The following KCNC4 variants were observed in gnomAD, a reference collection of about 807,000 sequenced individuals.
The protein encoded by KCNC4 is voltage-gated potassium channel KCNC4.
KCNC4 carries 23 observed loss-of-function variants against 42.8 expected under a neutral mutation model. That is an observed-to-expected ratio of 0.54 (90% CI 0.39 to 0.76). The LOEUF (loss-of-function observed/expected upper bound fraction) is 0.76, where lower values mean the gene tolerates loss of function less well. KCNC4 is among the 30% of genes least tolerant of loss of function. The pLI, the probability that KCNC4 is intolerant of heterozygous loss-of-function variation, is 0.00. For missense variants in KCNC4, 751 were observed against 898.2 expected (o/e 0.84, Z 2.10); for synonymous variants, 422 against 393.5 (o/e 1.07, Z -0.86).
At chr1:110,241,537 G>A (rs1338073191) in exon 4 of KCNC4, 1 of 152,158 alleles carries the variant, frequency 6.6e-6, no homozygotes, top group Non-Finnish European at 1.5e-5. Flanking sequence ...GTCAAATTAG[G>A]GGCCAGAGCT....
At position 110,281,071 on chromosome 1, in the gene KCNC4, G is replaced by GTGA. The variant is rs527855068; in HGVS notation, n.31-1461_31-1460insATG. Among the ~76,000 whole-genome samples, 104 of 152,332 alleles carry GTGA rather than the reference G, an allele frequency of 6.8e-4. 1 individual carries two copies. The highest frequency in any genetic ancestry group is 6.8e-3 in the Middle Eastern group (2 of 294). The stretch of plus-strand genomic sequence containing the variant: ...GTTCAGGCTCCCTGTGGTGGTGGTG[G>GTGA]TGGTGGTGCGGGGGCTTCTGGATAG... On this transcript the variant is annotated intron_variant and non_coding_transcript_variant, in intron 1 of 2. Transcript: ENST00000412512.
chr1:110,260,845 G>A (rs983316417), intron 1 of KCNC4, among the ~76,000 whole-genome samples: 1 of 152,226 alleles, frequency 6.6e-6, no homozygotes, highest in Non-Finnish European at 1.5e-5. Context: ...GAGGAGAATG[G>A]TGTGAACCGG....
At chr1:110,254,661 G>A (rs116333014) in intron 1 of KCNC4, among the ~76,000 whole-genome samples, 2,116 of 152,318 alleles carry the variant, frequency 0.014, 51 homozygotes, top group African/African-American at 0.049. Flanking sequence ...ACAAGGAGAT[G>A]AGTTGGGGGG....
intron 1 of KCNC4, among the ~76,000 whole-genome samples, chr1:110,280,467 C>T (rs1049294648): frequency 6.6e-6 from 1 of 151,314 alleles, no homozygotes; most frequent in Admixed American, 6.6e-5. Context: ...AAACAAGTCC[C>T]GTGAAATTGG....
chr1:110,223,794 G>A lies in KCNC4; in HGVS notation c.1509G>A (p.Glu503=). Residue 503 remains glutamate (E), a synonymous_variant, in exon 2 of 4, where the codon GAG becomes GAA. Coordinates refer to ENST00000438661, the MANE Select transcript of KCNC4 (RefSeq NM_001039574.3). This position sits in a 1 kb window ranked among gnomAD's most constrained non-coding sequence, Gnocchi z 7.5. ...ACGTGCCACGGCCGGCGCAGCTGGA[G>A]TCACCCATGTACTGCAAGTCTGAGG... The part of the protein sequence containing the change: ...KKHVPRPAQL[E]SPMYCKSEET... 1 of 1,614,138 alleles carries A rather than the reference G, an allele frequency of 6.2e-7. No individual in the cohort carries two copies. The highest frequency in any genetic ancestry group is 1.3e-5 in the African/African-American group (1 of 75,040).
chr1:110,230,870 C>T (rs1440080622), intron 3 of KCNC4, among the ~76,000 whole-genome samples: 1 of 152,254 alleles, frequency 6.6e-6, no homozygotes, highest in African/African-American at 2.4e-5. Flanking sequence ...ATACCAGGCA[C>T]TGCCACAGGA....
At chr1:110,232,749 C>A in intron 3 of KCNC4, 162 bp from the exon 4 acceptor site, 1 of 1,533,626 alleles carries the variant, frequency 6.5e-7, no homozygotes. Context: ...TGGTCTACTC[C>A]TTAGCCCACA....
intron 1 of KCNC4, among the ~76,000 whole-genome samples, chr1:110,218,648 G>A (rs374207578): frequency 7.9e-5 from 12 of 152,188 alleles, no homozygotes; most frequent in East Asian, 3.9e-4. Context: ...CTTGGTAGGC[G>A]CTCCCTTTTT....
chr1:110,211,820 C>T lies in KCNC4; in HGVS notation c.321C>T (p.Leu107=). The T allele has an allele frequency of 6.2e-7, 1 of 1,611,616 alleles. No homozygotes were observed. Among genetic ancestry groups the T allele is most frequent in the Non-Finnish European group, 8.5e-7 (1 of 1,179,828 alleles). The change falls in exon 1 of 4, where the codon CTC becomes CTT. Residue 107 remains leucine (L), a synonymous_variant. Transcript: ENST00000438661. This position sits in a 1 kb window ranked among gnomAD's most constrained non-coding sequence, Gnocchi z 6.5. The part of the protein sequence containing the change: ...DRHPGVFAYV[L]NYYRTGKLHC... ...ACCCGGGCGTCTTCGCCTACGTGCTCAACTACTACCGCACCGGCAAGCTGC... is the reference window on the plus strand; with the variant it reads ...ACCCGGGCGTCTTCGCCTACGTGCTTAACTACTACCGCACCGGCAAGCTGC...
Position 110,223,803 on chromosome 1 carries a change from G to A in KCNC4, c.1518G>A (p.Met506Ile), listed in dbSNP as rs774962835. 6.8e-6 allele frequency: 11 copies of A among 1,614,026 alleles called. No homozygotes were observed. Among genetic ancestry groups the A allele is most frequent in the South Asian group, 1.1e-5 (1 of 91,074 alleles). ...VPRPAQLESP[M>I]YCKSEETSPR... ...GGCCGGCGCAGCTGGAGTCACCCAT[G>A]TACTGCAAGTCTGAGGAGACTTCCC... Residue 506 changes from methionine to isoleucine, a missense_variant, in exon 2 of 4, where the codon ATG becomes ATA. Met to Ile is a conservative substitution (Grantham distance 10). Coordinates refer to ENST00000438661, the MANE Select transcript of KCNC4 (RefSeq NM_001039574.3). The surrounding 1 kb of genome is among the most constrained non-coding windows in gnomAD (Gnocchi z 7.5).
Position 110,211,745 on chromosome 1 carries a change from TAGCAGCGGC to T in KCNC4, c.256_264del (p.Ser86_Gly88del), listed in dbSNP as rs774956058. On this transcript the variant is annotated inframe_deletion, in exon 1 of 4. Coordinates refer to ENST00000438661, the MANE Select transcript of KCNC4 (RefSeq NM_001039574.3). This position sits in a 1 kb window ranked among gnomAD's most constrained non-coding sequence, Gnocchi z 6.5. Reference sequence around the variant, plus strand: ...CCGAGACCGATGGCGGCGGTGTGGGTAGCAGCGGCAGCAGCGGCGGCGGGGGCTGCGAGT... The same window carrying T: ...CCGAGACCGATGGCGGCGGTGTGGGTAGCAGCGGCGGCGGGGGCTGCGAGT... 159 of 1,609,270 alleles carry T rather than the reference TAGCAGCGGC, an allele frequency of 9.9e-5. 1 individual carries two copies. In the South Asian group the frequency reaches 1.6e-3, roughly 16 times the overall value.
chr1:110,211,508 C>T lies in KCNC4; in HGVS notation c.9C>T (p.Ser3=), dbSNP rs1571017212. The T allele has an allele frequency of 6.2e-7, 1 of 1,613,612 alleles. No individual in the cohort carries two copies. Among genetic ancestry groups the T allele is most frequent in the Middle Eastern group, 1.7e-4 (1 of 6,054 alleles). The change falls in exon 1 of 4, where the codon AGC becomes AGT. Residue 3 remains serine (S), a synonymous_variant. Transcript: ENST00000438661. This position sits in a 1 kb window ranked among gnomAD's most constrained non-coding sequence, Gnocchi z 6.5. The part of the protein sequence containing the change: MI[S]SVCVSSYRGR... ...GCCCCGCAGCGCTTCTTATGATCAG[C>T]TCGGTGTGTGTCTCCTCCTACCGCG...
chr1:110,247,629 A>G (rs1659179942), exon 4 of KCNC4: 1 of 144,046 alleles, frequency 6.9e-6, no homozygotes, highest in South Asian at 2.1e-4. Flanking sequence ...ATCTCAGCTC[A>G]CTGCAACCTC....
At chr1:110,260,337 ATGATCT>A (rs1231827800) in intron 1 of KCNC4, among the ~76,000 whole-genome samples, 1 of 152,214 alleles carries the variant, frequency 6.6e-6, no homozygotes, top group Non-Finnish European at 1.5e-5. Context: ...AGAGGAATTG[ATGATCT>A]TAGACTAGAT....
At chr1:110,263,088 T>C (rs1265879346) in intron 1 of KCNC4, among the ~76,000 whole-genome samples, 1 of 152,054 alleles carries the variant, frequency 6.6e-6, no homozygotes. Context: ...GTGGAGGGAG[T>C]TGCCATGTGC....
At chr1:110,264,485 T>TC (rs1249750509) in intron 1 of KCNC4, among the ~76,000 whole-genome samples, 2 of 151,952 alleles carry the variant, frequency 1.3e-5, no homozygotes, top group Non-Finnish European at 2.9e-5. Flanking sequence ...CAGTCCTTAG[T>TC]CCCCCCTTAT....
chr1:110,225,349 A>C (rs1335985155), intron 2 of KCNC4: 1 of 152,266 alleles, frequency 6.6e-6, no homozygotes, highest in African/African-American at 2.4e-5. Flanking sequence ...TGACAGAGGC[A>C]AGGGGTGGAG....
At chr1:110,248,622 C>CGTAT (rs1412614672) in exon 4 of KCNC4, 1 of 152,128 alleles carries the variant, frequency 6.6e-6, no homozygotes, top group Non-Finnish European at 1.5e-5. Flanking sequence ...ACTTTATTAT[C>CGTAT]GTATTGTTTC....
At chr1:110,216,459 T>C (rs1571026840) in intron 1 of KCNC4, among the ~76,000 whole-genome samples, 1 of 152,330 alleles carries the variant, frequency 6.6e-6, no homozygotes, top group South Asian at 2.1e-4. Flanking sequence ...AGTTTCCTCT[T>C]GGGTTTGTTT....
Sources: gnomAD v4.1 joint callset for allele counts (sites outside exome capture counted in the v4.1 genomes callset) on GRCh38, gnomAD v4.1.1 for gene constraint, Gnocchi (gnomAD v3.1) non-coding constraint, MANE v1.5 for transcripts, NCBI Gene and HGNC (gene_info 2026-07-23, HGNC 2026-07-21) for gene names.